Variants in EGFR observed in about 807,000 individuals in gnomAD.
EGFR encodes the protein epidermal growth factor receptor.
In EGFR, 58 loss-of-function variants were observed where a neutral mutation model predicts 143.0. The ratio of observed to expected loss-of-function variants is 0.41; its 90% CI spans 0.33 to 0.50. The LOEUF (loss-of-function observed/expected upper bound fraction) is 0.50, where lower values mean the gene tolerates loss of function less well. EGFR is among the 20% of genes least tolerant of loss of function. The pLI is 0.39. For missense variants in EGFR, 1,307 were observed against 1,579.0 expected (o/e 0.83, Z 2.92); for synonymous variants, 613 against 594.4 (o/e 1.03, Z -0.45).
chr7:55,026,015 C>T (rs1435350733), intron 1 of EGFR, among the ~76,000 whole-genome samples: 1 of 152,022 alleles, frequency 6.6e-6, no homozygotes, highest in Non-Finnish European at 1.5e-5. Flanking sequence ...AAAGCAGTAG[C>T]TTTTGAACCT....
chr7:55,183,995 G>A (rs776576708), intron 20 of EGFR, among the ~76,000 whole-genome samples: 20 of 152,378 alleles, frequency 1.3e-4, no homozygotes, highest in South Asian at 8.3e-4. Flanking sequence ...TAAGGGGCAC[G>A]TAGTCTTGGC....
chr7:55,194,482 T>C (rs964947941), intron 22 of EGFR, among the ~76,000 whole-genome samples: 8 of 152,164 alleles, frequency 5.3e-5, no homozygotes, highest in African/African-American at 1.4e-4. Context: ...CGCCTCGGCC[T>C]CCCAAAGTGC....
At chr7:55,189,253 G>T (rs1203906909) in intron 20 of EGFR, among the ~76,000 whole-genome samples, 1 of 152,162 alleles carries the variant, frequency 6.6e-6, no homozygotes, top group African/African-American at 2.4e-5. Context: ...TGGTCTTGGG[G>T]TCTCAGGGTA....
intron 1 of EGFR, among the ~76,000 whole-genome samples, chr7:55,030,495 A>T (rs1787187435): frequency 6.6e-6 from 1 of 152,214 alleles, no homozygotes; most frequent in Non-Finnish European, 1.5e-5. Flanking sequence ...TTACTTTAGA[A>T]ATGAGAAGTA....
chr7:55,068,115 T>TGA (rs1789622723), intron 1 of EGFR, among the ~76,000 whole-genome samples: 1 of 145,974 alleles, frequency 6.9e-6, no homozygotes, highest in Non-Finnish European at 1.5e-5. Context: ...TGCCTGTGTG[T>TGA]GTGTGTGCAT....
chr7:55,118,115 A>G (rs1195409167), intron 1 of EGFR, among the ~76,000 whole-genome samples: 1 of 152,254 alleles, frequency 6.6e-6, no homozygotes, highest in African/African-American at 2.4e-5. Flanking sequence ...TCCTTTATTC[A>G]TAAAATGCTT....
chr7:55,151,778 G>A (rs1429177884), intron 5 of EGFR, among the ~76,000 whole-genome samples: 1 of 152,236 alleles, frequency 6.6e-6, no homozygotes, highest in Non-Finnish European at 1.5e-5. Context: ...GGAGGCTGAG[G>A]CAGGAGAATG....
At chr7:55,098,486 T>C (rs1329553627) in intron 1 of EGFR, among the ~76,000 whole-genome samples, 7 of 152,186 alleles carry the variant, frequency 4.6e-5, no homozygotes. Flanking sequence ...TTACTATATG[T>C]TGTTAAATGA....
At chr7:55,056,806 C>G (rs1057466763) in intron 1 of EGFR, among the ~76,000 whole-genome samples, 4 of 152,234 alleles carry the variant, frequency 2.6e-5, no homozygotes, top group African/African-American at 9.6e-5. Context: ...GAGCCAACAA[C>G]AGCGTGGTGT....
chr7:55,198,833 A>G lies in EGFR; in HGVS notation c.2818A>G (p.Thr940Ala), dbSNP rs753612121. 1 of 1,614,170 alleles carries G rather than the reference A, an allele frequency of 6.2e-7. No individual in the cohort carries two copies. Among genetic ancestry groups the G allele is most frequent in the Admixed American group, 1.7e-5 (1 of 60,016 alleles). ...ACGCCTCCCTCAGCCACCCATATGT[A>G]CCATCGATGTCTACATGATCATGGT... is the stretch of plus-strand genomic sequence containing the variant. ...GERLPQPPIC[T>A]IDVYMIMVKC... is the part of the protein sequence containing the mutation. Residue 940 changes from threonine (T) to alanine (A), a missense_variant, in exon 23 of 28, where the codon ACC becomes GCC. Thr to Ala is a moderately conservative substitution (Grantham distance 58). This residue lies in a region of EGFR where 348 missense variants were observed against 451.5 expected (regional missense o/e 0.77). Transcript: ENST00000275493.
At chr7:55,093,659 T>C (rs1791269052) in intron 1 of EGFR, among the ~76,000 whole-genome samples, 1 of 152,238 alleles carries the variant, frequency 6.6e-6, no homozygotes, top group Non-Finnish European at 1.5e-5. Context: ...AAGGAAGTCA[T>C]TTTTGAGGTG....
chr7:55,136,537 G>T (rs112658489), intron 1 of EGFR, among the ~76,000 whole-genome samples: 11 of 152,116 alleles, frequency 7.2e-5, no homozygotes, highest in Admixed American at 1.3e-4. Flanking sequence ...ATACCAGTAG[G>T]TCCAATAAGC....
intron 1 of EGFR, among the ~76,000 whole-genome samples, chr7:55,032,978 T>TA: frequency 6.6e-6 from 1 of 152,322 alleles, no homozygotes; most frequent in South Asian, 2.1e-4. Flanking sequence ...ACAATGCTCT[T>TA]AAAGCAAAGT....
chr7:55,132,317 T>A (rs113791676), intron 1 of EGFR, among the ~76,000 whole-genome samples: 1 of 152,378 alleles, frequency 6.6e-6, no homozygotes, highest in African/African-American at 2.4e-5. Context: ...AGAGATCTTT[T>A]ATTTCCTTGC....
intron 1 of EGFR, among the ~76,000 whole-genome samples, chr7:55,109,518 G>A (rs1792335266): frequency 6.6e-6 from 1 of 152,218 alleles, no homozygotes. Context: ...TTACTGGTTA[G>A]GGCAGCTCCT....
At chr7:55,185,519 C>T (rs781327552) in intron 20 of EGFR, among the ~76,000 whole-genome samples, 25 of 152,374 alleles carry the variant, frequency 1.6e-4, no homozygotes, top group Admixed American at 1.2e-3. Flanking sequence ...ACCCTCTCCC[C>T]GTGGAGCCTC....
At position 55,034,157 on chromosome 7, in the gene EGFR, G is replaced by A. The variant is rs532924649; in HGVS notation, c.88+14792G>A. ...CTGCCTGGAGCACTTGGCCCTTTCG[G>A]CAATGTTTTGGCTTCCTCAAGTGAG... On this transcript the variant is annotated intron_variant, in intron 1 of 27. Coordinates refer to ENST00000275493, the MANE Select transcript of EGFR (RefSeq NM_005228.5). Among the ~76,000 whole-genome samples the A allele has an allele frequency of 3.3e-5, 5 of 152,238 alleles. No individual in the cohort carries two copies. The South Asian group carries it at 8.3e-4, about 25-fold the overall frequency.
intron 22 of EGFR, among the ~76,000 whole-genome samples, chr7:55,198,338 T>A (rs1329477380): frequency 6.6e-6 from 1 of 152,180 alleles, no homozygotes; most frequent in Non-Finnish European, 1.5e-5. Context: ...CAGATACAGG[T>A]CCCTCAGAGC....
In EGFR at chr7:55,206,522, G is replaced by A. The variant is rs1314615836; in HGVS notation, c.*905G>A. On this transcript the variant is annotated 3_prime_UTR_variant, in exon 28 of 28. Coordinates refer to ENST00000275493, the MANE Select transcript of EGFR (RefSeq NM_005228.5). ...CAGCTGAGAATGTGGAATACCTAAG[G>A]ATAGCACCGCTTTTGTTCTCGCAAA... is the stretch of plus-strand genomic sequence containing the variant. The A allele has an allele frequency of 4.3e-6, 1 of 233,134 alleles. No individual in the cohort carries two copies. Among genetic ancestry groups the A allele is most frequent in the Non-Finnish European group, 8.5e-6 (1 of 118,068 alleles). The allele number at this position is 233,134 out of a possible 1,614,324, so 14.4% of individuals were successfully genotyped here. A position where few individuals can be genotyped will look rare whatever the true frequency, so the allele number is the denominator to read the frequency against.
Sources: gnomAD v4.1 joint callset for allele counts (sites outside exome capture counted in the v4.1 genomes callset) on GRCh38, gnomAD v4.1.1 for gene constraint, gnomAD v4.1.1 regional missense constraint, MANE v1.5 for transcripts, NCBI Gene and HGNC (gene_info 2026-07-23, HGNC 2026-07-21) for gene names.